PPP2R3A: variants seen among roughly 807,000 people sequenced by gnomAD.
The protein encoded by PPP2R3A is serine/threonine-protein phosphatase 2A regulatory subunit B'' subunit alpha.
Under a neutral mutation model 106.9 loss-of-function variants are expected in PPP2R3A, and 80 were observed. That is an observed-to-expected ratio of 0.75 (90% CI 0.62 to 0.90). The LOEUF (loss-of-function observed/expected upper bound fraction) is 0.90, where lower values mean the gene tolerates loss of function less well. Among genes scored for constraint, PPP2R3A ranks in the 40% least tolerant of loss-of-function variants. The probability of loss-of-function intolerance (pLI) is 0.00; values close to 1 mark genes in which losing one functional copy is unlikely to be tolerated. For missense variants in PPP2R3A, 1,386 were observed against 1,350.4 expected, an observed-to-expected ratio of 1.03 and a Z score of -0.41; for synonymous variants, 483 against 468.3, an observed-to-expected ratio of 1.03 and a Z score of -0.41.
At chr3:136,082,921 T>C (rs1264145072) in intron 8 of PPP2R3A, among the ~76,000 whole-genome samples, 1 of 152,242 alleles carries the variant, frequency 6.6e-6, no homozygotes, top group Non-Finnish European at 1.5e-5. Flanking sequence ...GTGCTTTCTT[T>C]TGTCAGAAAA....
At chr3:136,032,165 ATTTG>A (rs1183075934) in intron 3 of PPP2R3A, among the ~76,000 whole-genome samples, 14 of 152,174 alleles carry the variant, frequency 9.2e-5, no homozygotes, top group African/African-American at 3.1e-4. Context: ...ATGTGTTTCC[ATTTG>A]TTTGTGTCAT....
At chr3:135,972,707 A>G (rs915498080) in intron 1 of PPP2R3A, among the ~76,000 whole-genome samples, 2 of 152,160 alleles carry the variant, frequency 1.3e-5, no homozygotes, top group Non-Finnish European at 1.5e-5. Context: ...CCTAATGACT[A>G]CTGACGTTGA....
At chr3:135,987,550 A>T (rs941884477) in intron 1 of PPP2R3A, among the ~76,000 whole-genome samples, 6 of 152,160 alleles carry the variant, frequency 3.9e-5, no homozygotes, top group Non-Finnish European at 5.9e-5. Context: ...TATTCAGTAT[A>T]AAAAACATCC....
chr3:135,978,616 A>T (rs981799945), intron 1 of PPP2R3A, among the ~76,000 whole-genome samples: 3 of 151,828 alleles, frequency 2.0e-5, no homozygotes, highest in Admixed American at 1.3e-4. Context: ...TGGTAATAAA[A>T]ATCTACAATG....
intron 13 of PPP2R3A, among the ~76,000 whole-genome samples, chr3:136,141,954 T>C (rs1266354502): frequency 6.6e-6 from 1 of 152,060 alleles, no homozygotes; most frequent in Non-Finnish European, 1.5e-5. Context: ...TTGACTAAAA[T>C]AGGGAGAACC....
rs1936666516 is a variant in PPP2R3A, at chr3:136,078,465, A to C, written c.2631+12A>C. The C allele has an allele frequency of 6.7e-7, 1 of 1,500,686 alleles. No homozygotes were observed. Among genetic ancestry groups the C allele is most frequent in the African/African-American group, 1.4e-5 (1 of 72,076 alleles). The allele number at this position is 1,500,686 out of a possible 1,614,324, so 93.0% of individuals were successfully genotyped here. On this transcript the variant is annotated intron_variant, in intron 7 of 13. Coordinates refer to ENST00000264977, the MANE Select transcript of PPP2R3A (RefSeq NM_002718.5). ...GCAACTTTTTGCAAGTATGCCTTTC[A>C]TTAGAATTCATGTGTAATGAGCAAT...
At chr3:136,023,142 T>G in intron 2 of PPP2R3A, 1 of 1,613,638 alleles carries the variant, frequency 6.2e-7, no homozygotes, top group Non-Finnish European at 8.5e-7. Flanking sequence ...GGCAAGGGGC[T>G]GTGATTTTGT....
Position 136,145,449 on chromosome 3 carries a change from C to T in PPP2R3A, c.*283C>T, listed in dbSNP as rs1343341761. ...CTTGAATGTACCAAGGATCTCTTGG[C>T]GACAGTACCAAGCACGGTTCTCTAC... is the stretch of plus-strand genomic sequence containing the variant. On this transcript the variant is annotated 3_prime_UTR_variant, in exon 14 of 14. Transcript: ENST00000264977. The T allele has an allele frequency of 3.2e-5, 7 of 216,730 alleles. No individual in the cohort carries two copies. The highest frequency in any genetic ancestry group is 1.2e-4 in the African/African-American group (5 of 42,344). 13.4% of individuals were successfully genotyped at this position (216,730 alleles called of 1,614,324 possible).
chr3:136,122,184 G>C (rs1171035462), intron 13 of PPP2R3A, among the ~76,000 whole-genome samples: 1 of 152,054 alleles, frequency 6.6e-6, no homozygotes, highest in East Asian at 1.9e-4. Flanking sequence ...AGCTGGGCAC[G>C]GTGACTCACA....
intron 1 of PPP2R3A, among the ~76,000 whole-genome samples, chr3:135,968,032 A>G (rs546613175): frequency 6.1e-4 from 93 of 152,300 alleles, no homozygotes; most frequent in African/African-American, 2.1e-3. Flanking sequence ...GTTAAGAACC[A>G]CTGTTGTGAG....
intron 2 of PPP2R3A, among the ~76,000 whole-genome samples, chr3:136,008,425 T>C (rs1017427278): frequency 1.3e-5 from 2 of 152,224 alleles, no homozygotes; most frequent in South Asian, 4.1e-4. Flanking sequence ...AATAGGAATT[T>C]GTGGAATGAG....
At chr3:136,047,752 A>T (rs1004237897) in intron 4 of PPP2R3A, among the ~76,000 whole-genome samples, 3 of 152,028 alleles carry the variant, frequency 2.0e-5, no homozygotes, top group African/African-American at 4.8e-5. Context: ...ATACAAAAAA[A>T]AATTTAGGCA....
chr3:136,011,988 C>CAT (rs1553743062), intron 2 of PPP2R3A, among the ~76,000 whole-genome samples: 1,607 of 131,796 alleles, frequency 0.012, 30 homozygotes, highest in African/African-American at 0.057. Flanking sequence ...CACACACACA[C>CAT]ACACATACAC....
intron 13 of PPP2R3A, among the ~76,000 whole-genome samples, chr3:136,110,950 A>T (rs993208888): frequency 1.3e-5 from 2 of 152,172 alleles, no homozygotes; most frequent in African/African-American, 4.8e-5. Context: ...ATGGAACAAA[A>T]TTATTCAAGT....
At chr3:136,117,228 A>T (rs1197632332) in intron 13 of PPP2R3A, among the ~76,000 whole-genome samples, 1 of 152,246 alleles carries the variant, frequency 6.6e-6, no homozygotes, top group African/African-American at 2.4e-5. Flanking sequence ...TCTGGGACAC[A>T]TTTAAAGCAG....
At chr3:136,144,938 A>C in intron 13 of PPP2R3A, 105 bp from the exon 14 acceptor site, 3 of 1,292,400 alleles carry the variant, frequency 2.3e-6, no homozygotes, top group East Asian at 2.6e-5. Flanking sequence ...TTAGCAATTC[A>C]AGGTACCTTT....
intron 5 of PPP2R3A, among the ~76,000 whole-genome samples, chr3:136,069,403 C>T (rs1936360075): frequency 6.6e-6 from 1 of 152,002 alleles, no homozygotes; most frequent in Admixed American, 6.6e-5. Context: ...ATGGTGAAAC[C>T]TTGTCTCTAC....
intron 8 of PPP2R3A, among the ~76,000 whole-genome samples, chr3:136,086,468 C>T (rs1330802984): frequency 1.3e-5 from 2 of 152,074 alleles, no homozygotes; most frequent in Non-Finnish European, 1.5e-5. Context: ...GGCGACAGAG[C>T]GAGAAGGGGC....
At chr3:136,064,040 G>T (rs1936175657) in intron 5 of PPP2R3A, among the ~76,000 whole-genome samples, 1 of 151,670 alleles carries the variant, frequency 6.6e-6, no homozygotes, top group South Asian at 2.1e-4. Flanking sequence ...ACGATAGACT[G>T]GATTAAGAAA....
Sources: gnomAD v4.1 joint callset for allele counts (sites outside exome capture counted in the v4.1 genomes callset) on GRCh38, gnomAD v4.1.1 for gene constraint, MANE v1.5 for transcripts, NCBI Gene and HGNC (gene_info 2026-07-23, HGNC 2026-07-21) for gene names.